The following DSCAML1 variants were observed in gnomAD, a reference collection of about 807,000 sequenced individuals.
The protein encoded by DSCAML1 is DS cell adhesion molecule like 1.
DSCAML1 carries 38 observed loss-of-function variants against 200.5 expected under a neutral mutation model. The ratio of observed to expected loss-of-function variants is 0.19; its 90% CI spans 0.15 to 0.25. The LOEUF is 0.25. Ranked by LOEUF, DSCAML1 falls within the 10% of genes least tolerant of loss-of-function variation. The probability of loss-of-function intolerance (pLI) is 1.00; values close to 1 mark genes in which losing one functional copy is unlikely to be tolerated. For missense variants in DSCAML1, 2,223 were observed against 2,858.8 expected (o/e 0.78, Z 5.07); for synonymous variants, 1,215 against 1,165.0 (o/e 1.04, Z -0.87).
chr11:117,633,492 C>A (rs371130683), intron 3 of DSCAML1, among the ~76,000 whole-genome samples: 20 of 152,202 alleles, frequency 1.3e-4, no homozygotes, highest in Admixed American at 2.0e-4. Flanking sequence ...CTGCTTTACA[C>A]TGAAAGCCTT....
chr11:117,739,543 G>C (rs2054383409), intron 3 of DSCAML1, among the ~76,000 whole-genome samples: 1 of 152,248 alleles, frequency 6.6e-6, no homozygotes, highest in Non-Finnish European at 1.5e-5. Context: ...GCAGCTGGTG[G>C]CTGCTTATTT....
chr11:117,643,702 C>T (rs547957257), intron 3 of DSCAML1, among the ~76,000 whole-genome samples: 5 of 151,998 alleles, frequency 3.3e-5, no homozygotes, highest in Non-Finnish European at 7.4e-5. Context: ...GGGGGGTGCC[C>T]TCACTCCCCA....
chr11:117,470,130 T>C (rs1367242546), intron 15 of DSCAML1, 150 bp from the exon 16 acceptor site: 6 of 574,986 alleles, frequency 1.0e-5, no homozygotes, highest in Non-Finnish European at 8.5e-6. Context: ...TTTGTTTGAG[T>C]TCCCCTGAAA....
intron 20 of DSCAML1, among the ~76,000 whole-genome samples, chr11:117,444,663 A>C (rs984036826): frequency 3.3e-5 from 5 of 152,222 alleles, no homozygotes; most frequent in Non-Finnish European, 5.9e-5. Context: ...CAAATCTATA[A>C]AATTTTTTTT....
intron 3 of DSCAML1, among the ~76,000 whole-genome samples, chr11:117,651,711 C>CCAAAAA (rs2052635790): frequency 3.2e-5 from 1 of 31,072 alleles, no homozygotes; most frequent in Non-Finnish European, 7.8e-5. Flanking sequence ...GACTCTGTCT[C>CCAAAAA]AAAAAAAAAA....
chr11:117,453,311 T>C (rs1484238229), intron 19 of DSCAML1, among the ~76,000 whole-genome samples: 1 of 152,228 alleles, frequency 6.6e-6, no homozygotes, highest in Non-Finnish European at 1.5e-5. Flanking sequence ...TTAATTTAGA[T>C]TTACCCATAC....
At chr11:117,734,043 T>C (rs1166385504) in intron 3 of DSCAML1, among the ~76,000 whole-genome samples, 1 of 152,050 alleles carries the variant, frequency 6.6e-6, no homozygotes, top group African/African-American at 2.4e-5. Flanking sequence ...TAAGCATGCA[T>C]CTTGTCTTTT....
chr11:117,497,884 G>A (rs761273407), intron 11 of DSCAML1, among the ~76,000 whole-genome samples: 1 of 152,222 alleles, frequency 6.6e-6, no homozygotes, highest in Non-Finnish European at 1.5e-5. Flanking sequence ...GTGCTGCCCC[G>A]CCTCCTCCCC....
intron 13 of DSCAML1, 32 bp downstream of exon 13, chr11:117,481,142 T>G: frequency 6.2e-7 from 1 of 1,603,208 alleles, no homozygotes. Context: ...CCTGGGGAGG[T>G]GGGATGGGAA....
intron 1 of DSCAML1, among the ~76,000 whole-genome samples, 179 bp downstream of exon 1, chr11:117,796,855 C>T (rs1005856910): frequency 6.6e-6 from 1 of 152,076 alleles, no homozygotes; most frequent in East Asian, 1.9e-4. Flanking sequence ...CGGTCGGGGG[C>T]TGACTCTCAC....
intron 11 of DSCAML1, among the ~76,000 whole-genome samples, chr11:117,494,962 G>A (rs1177378960): frequency 6.6e-6 from 1 of 152,176 alleles, no homozygotes; most frequent in Non-Finnish European, 1.5e-5. Context: ...CAGACTCCCA[G>A]CCTCCCAGAA....
chr11:117,800,928 ATTATT>A (rs1284779587), upstream of DSCAML1: 1 of 152,262 alleles, frequency 6.6e-6, no homozygotes, highest in African/African-American at 2.4e-5. Context: ...AAGGCATAAA[ATTATT>A]TTAACAATGG....
chr11:117,473,289 G>T (rs2048722589), intron 14 of DSCAML1, among the ~76,000 whole-genome samples: 1 of 152,150 alleles, frequency 6.6e-6, no homozygotes. Context: ...TTGAGGTCAG[G>T]AGTTTGAGAC....
chr11:117,478,973 C>G (rs1162205644), intron 14 of DSCAML1, among the ~76,000 whole-genome samples: 1 of 152,264 alleles, frequency 6.6e-6, no homozygotes, highest in African/African-American at 2.4e-5. Context: ...CGGTTTGTCT[C>G]TGTAGACATG....
At chr11:117,621,722 G>C (rs1160278544) in intron 3 of DSCAML1, among the ~76,000 whole-genome samples, 1 of 152,204 alleles carries the variant, frequency 6.6e-6, no homozygotes, top group African/African-American at 2.4e-5. Flanking sequence ...TTTTATGCAA[G>C]TTGTACAACA....
intron 3 of DSCAML1, among the ~76,000 whole-genome samples, chr11:117,571,366 G>A (rs1283472385): frequency 6.6e-6 from 1 of 152,240 alleles, no homozygotes; most frequent in African/African-American, 2.4e-5. Context: ...GGACACTGCA[G>A]TGCAGAGAGA....
At chr11:117,752,353 T>C (rs973044631) in intron 3 of DSCAML1, among the ~76,000 whole-genome samples, 1 of 152,208 alleles carries the variant, frequency 6.6e-6, no homozygotes, top group African/African-American at 2.4e-5. Flanking sequence ...GTCTCATTAA[T>C]AATCCCACCA....
intron 3 of DSCAML1, among the ~76,000 whole-genome samples, chr11:117,542,607 A>T (rs551296166): frequency 2.0e-5 from 3 of 152,374 alleles, no homozygotes; most frequent in African/African-American, 7.2e-5. Flanking sequence ...AGAGAGATCC[A>T]GGTGAAATAT....
At chr11:117,470,804 A>T (rs1281875617) in intron 15 of DSCAML1, among the ~76,000 whole-genome samples, 1 of 152,232 alleles carries the variant, frequency 6.6e-6, no homozygotes, top group Non-Finnish European at 1.5e-5. Context: ...GCACTGAAAA[A>T]GCATAAATGA....
Sources: allele counts gnomAD v4.1 joint callset (sites outside exome capture counted in the v4.1 genomes callset), GRCh38; gene constraint gnomAD v4.1.1; transcripts MANE v1.5; gene names NCBI Gene and HGNC (gene_info 2026-07-23, HGNC 2026-07-21).